The following NUP93 variants were observed in gnomAD, a reference collection of about 807,000 sequenced individuals.
NUP93 encodes the protein nuclear pore complex protein Nup93.
In NUP93, 55 loss-of-function variants were observed where a neutral mutation model predicts 107.8. The observed-to-expected ratio is 0.51, with a 90% CI of 0.41 to 0.64. NUP93 has a LOEUF of 0.64. Among genes scored for constraint, NUP93 ranks in the 30% least tolerant of loss-of-function variants. The pLI, the probability that NUP93 is intolerant of heterozygous loss-of-function variation, is 0.00. For missense variants in NUP93, 937 were observed against 1,044.7 expected, an observed-to-expected ratio of 0.90 and a Z score of 1.42; for synonymous variants, 390 against 397.5, an observed-to-expected ratio of 0.98 and a Z score of 0.22.
In NUP93 at chr16:56,834,790, G is replaced by T. The variant is rs766717013; in HGVS notation, c.1782+12G>T. On this transcript the variant is annotated intron_variant, in intron 16 of 21. Coordinates refer to ENST00000308159, the MANE Select transcript of NUP93 (RefSeq NM_014669.5). Reference sequence around the variant, plus strand: ...ACGGAAGTAGAAAGGTGAGTTAAATGCATCCTTAGAGAAATGTTCGTTAGC... The same window carrying T: ...ACGGAAGTAGAAAGGTGAGTTAAATTCATCCTTAGAGAAATGTTCGTTAGC... 3.8e-6 allele frequency: 6 copies of T among 1,590,404 alleles called. No homozygotes were observed. The Admixed American group carries it at 1.0e-4, about 27-fold the overall frequency.
intron 7 of NUP93, among the ~76,000 whole-genome samples, chr16:56,823,211 A>G (rs1963585053): frequency 1.3e-5 from 2 of 152,198 alleles, no homozygotes; most frequent in Non-Finnish European, 2.9e-5. Flanking sequence ...CAAGTAACGT[A>G]AGAGCGGTGG....
At chr16:56,839,169 G>A in intron 19 of NUP93, 100 bp downstream of exon 19, 1 of 563,636 alleles carries the variant, frequency 1.8e-6, no homozygotes, top group Middle Eastern at 4.8e-4. Context: ...GCTGTTGCCA[G>A]TATGTTTGTT....
intron 3 of NUP93, among the ~76,000 whole-genome samples, chr16:56,763,519 T>G (rs1162090587): frequency 8.7e-5 from 11 of 126,540 alleles, no homozygotes; most frequent in African/African-American, 2.0e-4. Flanking sequence ...TGTGTGTATG[T>G]GTGGGTGTGT....
chr16:56,775,768 A>G (rs1474005717), intron 3 of NUP93, among the ~76,000 whole-genome samples: 1 of 152,208 alleles, frequency 6.6e-6, no homozygotes, highest in Non-Finnish European at 1.5e-5. Flanking sequence ...AGGAGGGCAC[A>G]GGTATAGCGA....
In NUP93 at chr16:56,808,501, AAT is replaced by A. The variant is rs1370249422; in HGVS notation, c.489+2875_489+2876del. On this transcript the variant is annotated intron_variant, in intron 5 of 21. Transcript: ENST00000308159. ...AAATATATAGTTATGTAACTATATA[AAT>A]ATATAGTTATGTAACTATATATAAA... Among the ~76,000 whole-genome samples the A allele has an allele frequency of 9.8e-5, 11 of 112,716 alleles. 1 individual carries two copies. The East Asian group carries it at 3.2e-3, about 33-fold the overall frequency. The allele number at this position is 112,716 out of a possible 152,430, so 73.9% of individuals were successfully genotyped here.
chr16:56,820,897 C>T (rs1366558598), intron 6 of NUP93, among the ~76,000 whole-genome samples: 2 of 152,166 alleles, frequency 1.3e-5, no homozygotes, highest in African/African-American at 2.4e-5. Context: ...AGTGAATTTA[C>T]GATTTCTACT....
Position 56,837,594 on chromosome 16 carries a change from A to G in NUP93, c.1900-14A>G. On this transcript the variant is annotated splice_polypyrimidine_tract_variant and intron_variant, in intron 17 of 21. Coordinates refer to ENST00000308159, the MANE Select transcript of NUP93 (RefSeq NM_014669.5). ...CTTTATTGATTGCTTCCTTAATTTT[A>G]AAAACTTGAGCAGAATGCTGACAAG... The G allele has an allele frequency of 6.2e-7, 1 of 1,601,012 alleles. No homozygotes were observed. Among genetic ancestry groups the G allele is most frequent in the Non-Finnish European group, 8.6e-7 (1 of 1,168,304 alleles).
chr16:56,744,090 G>A (rs577216349), intron 1 of NUP93, among the ~76,000 whole-genome samples: 3 of 152,182 alleles, frequency 2.0e-5, no homozygotes, highest in Admixed American at 1.3e-4. Flanking sequence ...TGACTGCTCC[G>A]GGTCCTGCTT....
chr16:56,801,939 C>T (rs1404237553), intron 4 of NUP93, among the ~76,000 whole-genome samples: 1 of 152,144 alleles, frequency 6.6e-6, no homozygotes, highest in African/African-American at 2.4e-5. Context: ...AAGTCTGTCT[C>T]CACTGTCCTC....
chr16:56,752,329 A>C (rs1449276802), intron 2 of NUP93, among the ~76,000 whole-genome samples: 4 of 152,200 alleles, frequency 2.6e-5, no homozygotes, highest in African/African-American at 9.7e-5. Context: ...CAAAAATTGA[A>C]AACAAACAAA....
chr16:56,764,004 A>G (rs574037645), intron 3 of NUP93, among the ~76,000 whole-genome samples: 13 of 152,350 alleles, frequency 8.5e-5, no homozygotes, highest in African/African-American at 3.1e-4. Context: ...AAACTGAACT[A>G]TATATCATAT....
intron 1 of NUP93, among the ~76,000 whole-genome samples, chr16:56,743,401 G>A (rs990190246): frequency 2.0e-5 from 3 of 152,206 alleles, no homozygotes; most frequent in Non-Finnish European, 4.4e-5. Context: ...GCTCTAGGTA[G>A]GAGCCCTCTC....
intron 3 of NUP93, among the ~76,000 whole-genome samples, chr16:56,777,069 A>G (rs1962429334): frequency 6.6e-6 from 1 of 152,232 alleles, no homozygotes; most frequent in South Asian, 2.1e-4. Flanking sequence ...AAACAGAGAC[A>G]GACTGATAGG....
intron 1 of NUP93, among the ~76,000 whole-genome samples, chr16:56,734,713 G>T (rs1257907970): frequency 6.6e-6 from 1 of 152,206 alleles, no homozygotes; most frequent in African/African-American, 2.4e-5. Flanking sequence ...ATGAATAAAT[G>T]TAGTGTAGAA....
At position 56,770,979 on chromosome 16, in the gene NUP93, T is replaced by G. The variant is rs142517306; in HGVS notation, c.297+12324T>G. ...TCAATTCCTATAAATTGACACACAG[T>G]CTGTTCCTTTATTCTGTAACGGAAA... On this transcript the variant is annotated intron_variant, in intron 3 of 21. Transcript: ENST00000308159. Among the ~76,000 whole-genome samples, 650 of 152,172 alleles carry G rather than the reference T, an allele frequency of 4.3e-3. 5 individuals carry two copies. The highest frequency in any genetic ancestry group is 0.014 in the African/African-American group (601 of 41,522).
At chr16:56,787,283 C>A (rs1262946409) in intron 3 of NUP93, among the ~76,000 whole-genome samples, 2 of 152,206 alleles carry the variant, frequency 1.3e-5, no homozygotes, top group Non-Finnish European at 2.9e-5. Context: ...GATTGGTGCT[C>A]CAATCCCATC....
Position 56,841,682 on chromosome 16 carries a change from ACT to A in NUP93, c.2221-20_2221-19del, listed in dbSNP as rs769230283. 5.0e-6 allele frequency: 8 copies of A among 1,610,102 alleles called. No homozygotes were observed. In the African/African-American group the frequency reaches 1.1e-4, roughly 22 times the overall value. ...CCCAAAGGCTTGGTTCTTTTTCTTT[ACT>A]CTGTTTTTCTCTCTATGTAGATCAG... On this transcript the variant is annotated intron_variant, in intron 20 of 21. Transcript: ENST00000308159.
intron 1 of NUP93, among the ~76,000 whole-genome samples, chr16:56,745,039 CTG>C (rs1387320556): frequency 6.6e-6 from 1 of 152,202 alleles, no homozygotes; most frequent in East Asian, 1.9e-4. Flanking sequence ...GAACAAAACA[CTG>C]TGCTTGTGCA....
intron 1 of NUP93, among the ~76,000 whole-genome samples, chr16:56,744,176 A>G (rs1961783408): frequency 6.6e-6 from 1 of 152,186 alleles, no homozygotes; most frequent in African/African-American, 2.4e-5. Context: ...TGTCCAGGCT[A>G]CATGGCCAGA....
Sources: gnomAD v4.1 joint callset for allele counts (sites outside exome capture counted in the v4.1 genomes callset) on GRCh38, gnomAD v4.1.1 for gene constraint, MANE v1.5 for transcripts, NCBI Gene and HGNC (gene_info 2026-07-23, HGNC 2026-07-21) for gene names.